Variants in THSD7B observed in about 807,000 individuals in gnomAD.
THSD7B encodes thrombospondin type 1 domain containing 7B, also known as thrombospondin type-1 domain-containing protein 7B.
A neutral mutation model predicts 213.6 loss-of-function variants in THSD7B; 138 were observed. The ratio of observed to expected loss-of-function variants is 0.65; its 90% confidence interval spans 0.56 to 0.74. The LOEUF is 0.74. Ranked by LOEUF, THSD7B falls within the 30% of genes least tolerant of loss-of-function variation. THSD7B has a pLI of 0.00. For synonymous variants in THSD7B, 742 were observed against 687.0 expected, an observed-to-expected ratio of 1.08 and a Z score of -1.25; for missense variants, 1,931 against 1,991.5, an observed-to-expected ratio of 0.97 and a Z score of 0.58.
At chr2:136,874,718 G>T (rs1683496851) in intron 1 of THSD7B, among the ~76,000 whole-genome samples, 2 of 152,050 alleles carry the variant, frequency 1.3e-5, no homozygotes, top group Admixed American at 1.3e-4. Context: ...GAGGCTAAAA[G>T]GAGAAACTGT....
intron 12 of THSD7B, among the ~76,000 whole-genome samples, chr2:137,396,372 C>G (rs1686188288): frequency 6.9e-6 from 1 of 144,388 alleles, no homozygotes; most frequent in East Asian, 2.0e-4. Flanking sequence ...TGTCTTTGTT[C>G]TCATTGGTTT....
chr2:137,116,658 G>C (rs547515625), intron 5 of THSD7B, among the ~76,000 whole-genome samples: 3 of 152,144 alleles, frequency 2.0e-5, no homozygotes, highest in African/African-American at 7.2e-5. Flanking sequence ...CTTTTCTTAT[G>C]GATCATCTAT....
At position 136,906,936 on chromosome 2, in the gene THSD7B, G is replaced by GTTTTTTTTTTTTTTT. The variant is rs57887270; in HGVS notation, c.139+24634_139+24648dup. On this transcript the variant is annotated intron_variant, in intron 2 of 27. Transcript: ENST00000409968. ...ATTCATAGATTCCTTACATTTCAAG[G>GTTTTTTTTTTTTTTT]TTTTTTTTTTTTTTTTTTTTTTTTT... Among the ~76,000 whole-genome samples, 8 of 55,128 alleles carry GTTTTTTTTTTTTTTT rather than the reference G, an allele frequency of 1.5e-4. 1 individual carries two copies. The highest frequency in any genetic ancestry group is 3.5e-4 in the African/African-American group (4 of 11,282). 36.2% of individuals were successfully genotyped at this position (55,128 alleles called of 152,430 possible). A position where few individuals can be genotyped will look rare whatever the true frequency, so the allele number is the denominator to read the frequency against.
chr2:136,876,950 T>A (rs1253972152), intron 1 of THSD7B, among the ~76,000 whole-genome samples: 1 of 152,186 alleles, frequency 6.6e-6, no homozygotes, highest in Non-Finnish European at 1.5e-5. Context: ...CTGCTGTAGC[T>A]GCAGTTCTGA....
chr2:137,590,393 C>G (rs1270309306), intron 17 of THSD7B, among the ~76,000 whole-genome samples: 1 of 152,152 alleles, frequency 6.6e-6, no homozygotes, highest in African/African-American at 2.4e-5. Context: ...TCATGGCTGA[C>G]TTGGCTAGTA....
In THSD7B at chr2:137,331,230, G is replaced by C. The variant is rs562873909; in HGVS notation, c.2500+55204G>C. On this transcript the variant is annotated intron_variant, in intron 12 of 27. Transcript: ENST00000409968. ...TACAATCCCAGAGCTAGACATAAAG[G>C]TACTCCAAGGCCCCACCAGAGCAGC... Among the ~76,000 whole-genome samples the C allele has an allele frequency of 2.0e-5, 3 of 150,158 alleles. No individual in the cohort carries two copies. The East Asian group carries it at 5.9e-4, about 30-fold the overall frequency.
intron 3 of THSD7B, among the ~76,000 whole-genome samples, chr2:137,076,717 C>T (rs766438006): frequency 4.5e-4 from 69 of 152,300 alleles, no homozygotes; most frequent in Admixed American, 3.2e-3. Flanking sequence ...TGTTCCTATT[C>T]GGCCATCTTG....
At chr2:136,966,077 T>A (rs570348774) in intron 2 of THSD7B, among the ~76,000 whole-genome samples, 6 of 152,306 alleles carry the variant, frequency 3.9e-5, no homozygotes, top group African/African-American at 1.4e-4. Flanking sequence ...AAAATTGAAC[T>A]GATGCCCTTC....
At chr2:137,273,001 A>ATGC (rs1682782356) in intron 11 of THSD7B, among the ~76,000 whole-genome samples, 13 of 147,576 alleles carry the variant, frequency 8.8e-5, no homozygotes, top group African/African-American at 3.0e-4. Flanking sequence ...GAAGAAATAC[A>ATGC]CACCACACAC....
intron 1 of THSD7B, among the ~76,000 whole-genome samples, chr2:136,832,837 G>A (rs899256537): frequency 2.6e-5 from 4 of 152,140 alleles, no homozygotes; most frequent in African/African-American, 7.2e-5. Flanking sequence ...GTAGGTGGCC[G>A]ACTTGGGATG....
intron 12 of THSD7B, among the ~76,000 whole-genome samples, chr2:137,385,801 C>A (rs1573997578): frequency 6.6e-6 from 1 of 152,282 alleles, no homozygotes; most frequent in East Asian, 1.9e-4. Flanking sequence ...TCCCAGAATT[C>A]TTTAATGAAA....
intron 14 of THSD7B, among the ~76,000 whole-genome samples, chr2:137,429,599 T>C (rs1687131311): frequency 1.3e-5 from 2 of 152,202 alleles, no homozygotes; most frequent in Non-Finnish European, 2.9e-5. Context: ...AAAGAGAAAT[T>C]TGAATAAAGT....
intron 15 of THSD7B, among the ~76,000 whole-genome samples, chr2:137,510,459 A>G (rs1679938333): frequency 6.6e-6 from 1 of 152,164 alleles, no homozygotes; most frequent in Non-Finnish European, 1.5e-5. Context: ...CCCCAAATAT[A>G]GTATAACTTT....
At chr2:137,316,238 A>G (rs1273887297) in intron 12 of THSD7B, among the ~76,000 whole-genome samples, 1 of 152,258 alleles carries the variant, frequency 6.6e-6, no homozygotes, top group African/African-American at 2.4e-5. Context: ...TTCAAAATGA[A>G]TCTGTAAAAC....
At chr2:137,402,908 T>C (rs1343006818) in intron 12 of THSD7B, among the ~76,000 whole-genome samples, 1 of 152,100 alleles carries the variant, frequency 6.6e-6, no homozygotes, top group African/African-American at 2.4e-5. Flanking sequence ...GCATTGTCAT[T>C]TTGGAAAAAA....
At chr2:137,102,254 G>T (rs1451332250) in intron 4 of THSD7B, among the ~76,000 whole-genome samples, 1 of 152,234 alleles carries the variant, frequency 6.6e-6, no homozygotes, top group Non-Finnish European at 1.5e-5. Flanking sequence ...AACAGAGCCT[G>T]AAGTGGACCT....
At chr2:136,870,058 C>T (rs1277735296) in intron 1 of THSD7B, among the ~76,000 whole-genome samples, 1 of 120,880 alleles carries the variant, frequency 8.3e-6, no homozygotes, top group Non-Finnish European at 1.6e-5. Flanking sequence ...GGCGAAAGAG[C>T]GAGACTCCGT....
At position 137,488,338 on chromosome 2, in the gene THSD7B, T is replaced by A. The variant is rs955072684; in HGVS notation, c.3138+37315T>A. 1.7e-4 allele frequency among the ~76,000 whole-genome samples: 26 copies of A among 152,292 alleles called. No individual in the cohort carries two copies. In the South Asian group the frequency reaches 4.8e-3, roughly 28 times the overall value. On this transcript the variant is annotated intron_variant, in intron 15 of 27. Transcript: ENST00000409968. Reference sequence around the variant, plus strand: ...TATACACATTATATTTATACACCTATATATTTAAAACCAATGTATAGATCA... The same window carrying A: ...TATACACATTATATTTATACACCTAAATATTTAAAACCAATGTATAGATCA...
intron 5 of THSD7B, among the ~76,000 whole-genome samples, chr2:137,121,138 C>T (rs959561813): frequency 1.3e-5 from 2 of 152,240 alleles, no homozygotes. Flanking sequence ...ATGGGCTTAG[C>T]AAAAATATTG....
Sources: gnomAD v4.1 joint callset for allele counts (sites outside exome capture counted in the v4.1 genomes callset) on GRCh38, gnomAD v4.1.1 for gene constraint, MANE v1.5 for transcripts, NCBI Gene and HGNC (gene_info 2026-07-23, HGNC 2026-07-21) for gene names.